NKAIN2: variants seen among roughly 807,000 people sequenced by gnomAD.
NKAIN2 encodes sodium/potassium transporting ATPase interacting 2, also known as sodium/potassium-transporting ATPase subunit beta-1-interacting protein 2.
NKAIN2 carries 14 observed loss-of-function variants against 32.6 expected under a neutral mutation model. The observed-to-expected ratio is 0.43, with a 90% CI of 0.28 to 0.67. NKAIN2 has a LOEUF of 0.67. Among genes scored for constraint, NKAIN2 ranks in the 30% least tolerant of loss-of-function variants. The pLI is 0.17. For synonymous variants in NKAIN2, 80 were observed against 87.2 expected, an observed-to-expected ratio of 0.92 and a Z score of 0.46; for missense variants, 198 against 258.3, an observed-to-expected ratio of 0.77 and a Z score of 1.60.
At chr6:124,441,173 G>T (rs754525690) in intron 3 of NKAIN2, among the ~76,000 whole-genome samples, 4 of 152,134 alleles carry the variant, frequency 2.6e-5, no homozygotes, top group African/African-American at 9.6e-5. Context: ...TCTAAGATAA[G>T]TCAGTTTTTA....
chr6:124,731,156 T>C (rs9375367), intron 4 of NKAIN2, among the ~76,000 whole-genome samples: 44,878 of 87,284 alleles, frequency 0.51, 11,794 homozygotes, highest in East Asian at 0.66. Flanking sequence ...AGTGTGGCCA[T>C]TCCTCAGGGA....
At chr6:123,977,778 C>T (rs1285069211) in intron 1 of NKAIN2, among the ~76,000 whole-genome samples, 5 of 152,112 alleles carry the variant, frequency 3.3e-5, no homozygotes, top group Non-Finnish European at 2.9e-5. Context: ...GACTGTACAT[C>T]CTTTGCATAG....
At chr6:124,474,830 T>TTGTA (rs1777120928) in intron 3 of NKAIN2, among the ~76,000 whole-genome samples, 1 of 147,296 alleles carries the variant, frequency 6.8e-6, no homozygotes, top group Admixed American at 6.9e-5. Flanking sequence ...CATATATATT[T>TTGTA]TACATACATA....
At chr6:123,977,661 C>T (rs1173397473) in intron 1 of NKAIN2, among the ~76,000 whole-genome samples, 1 of 152,094 alleles carries the variant, frequency 6.6e-6, no homozygotes, top group African/African-American at 2.4e-5. Flanking sequence ...TTACTGAATG[C>T]CAGAGATCCT....
chr6:123,843,043 C>T (rs919173949), intron 1 of NKAIN2, among the ~76,000 whole-genome samples: 3 of 152,134 alleles, frequency 2.0e-5, no homozygotes, highest in African/African-American at 7.2e-5. Flanking sequence ...GGAATGAACC[C>T]TGTACCGGCC....
intron 2 of NKAIN2, among the ~76,000 whole-genome samples, chr6:124,344,178 C>T (rs1225289030): frequency 3.3e-5 from 5 of 152,012 alleles, no homozygotes; most frequent in South Asian, 2.1e-4. Flanking sequence ...TCTGTTCTGT[C>T]ACATTGATCT....
chr6:123,919,751 A>G (rs1775663291), intron 1 of NKAIN2, among the ~76,000 whole-genome samples: 1 of 152,134 alleles, frequency 6.6e-6, no homozygotes, highest in South Asian at 2.1e-4. Flanking sequence ...CTCACCTACC[A>G]AATCATCAAA....
chr6:124,059,376 C>T (rs1782816785), intron 1 of NKAIN2, among the ~76,000 whole-genome samples: 1 of 152,132 alleles, frequency 6.6e-6, no homozygotes, highest in Non-Finnish European at 1.5e-5. Context: ...TGGTCACTAT[C>T]TTAGGACCTT....
intron 1 of NKAIN2, among the ~76,000 whole-genome samples, chr6:124,079,937 A>G (rs1416672328): frequency 6.6e-6 from 1 of 151,092 alleles, no homozygotes; most frequent in Admixed American, 6.6e-5. Context: ...TGGCATTTGG[A>G]TGGAAAAAAA....
chr6:124,678,553 A>C (rs1425082681), intron 4 of NKAIN2, among the ~76,000 whole-genome samples: 1 of 152,000 alleles, frequency 6.6e-6, no homozygotes, highest in Non-Finnish European at 1.5e-5. Flanking sequence ...TCAGGTCTAA[A>C]ATTCATTTGG....
At chr6:124,521,394 A>C (rs1779114766) in intron 3 of NKAIN2, among the ~76,000 whole-genome samples, 1 of 152,198 alleles carries the variant, frequency 6.6e-6, no homozygotes, top group Admixed American at 6.5e-5. Flanking sequence ...CTAATTGAGA[A>C]GATCATATGA....
intron 3 of NKAIN2, among the ~76,000 whole-genome samples, chr6:124,399,995 G>T (rs369791639): frequency 6.6e-6 from 1 of 152,104 alleles, no homozygotes; most frequent in Non-Finnish European, 1.5e-5. Context: ...CCTCCTATTT[G>T]ATAAAAATAA....
At chr6:123,986,744 T>C (rs1779155087) in intron 1 of NKAIN2, among the ~76,000 whole-genome samples, 1 of 152,160 alleles carries the variant, frequency 6.6e-6, no homozygotes, top group Admixed American at 6.5e-5. Flanking sequence ...CTAGGAAGGT[T>C]TAGCCTATTT....
chr6:124,376,870 A>C (rs1800016032), intron 3 of NKAIN2, among the ~76,000 whole-genome samples: 1 of 152,198 alleles, frequency 6.6e-6, no homozygotes, highest in Non-Finnish European at 1.5e-5. Flanking sequence ...ATTCATAAAA[A>C]AAAGACGTTT....
chr6:124,407,624 T>A (rs1326764586), intron 3 of NKAIN2, among the ~76,000 whole-genome samples: 2 of 152,060 alleles, frequency 1.3e-5, no homozygotes, highest in Non-Finnish European at 2.9e-5. Flanking sequence ...GTTCCAAGTC[T>A]TTGCTATTGT....
chr6:124,786,165 T>C lies in NKAIN2; in HGVS notation c.475-5174T>C, dbSNP rs146643666. 5.3e-4 allele frequency among the ~76,000 whole-genome samples: 80 copies of C among 152,238 alleles called. 1 individual carries two copies. The highest frequency in any genetic ancestry group is 1.8e-3 in the African/African-American group (74 of 41,558). On this transcript the variant is annotated intron_variant, in intron 4 of 6. Coordinates refer to ENST00000368417, the MANE Select transcript of NKAIN2 (RefSeq NM_001040214.3). ...TGTACCTGTTGGCATTTCAGAGTTA[T>C]AGGCTTCTTCAGCTCCAAGTAAGTC...
chr6:124,018,038 C>T (rs1429957412), intron 1 of NKAIN2, among the ~76,000 whole-genome samples: 4 of 152,208 alleles, frequency 2.6e-5, no homozygotes, highest in Non-Finnish European at 5.9e-5. Flanking sequence ...GACATTTAGG[C>T]ATTTCCATAC....
At position 124,532,338 on chromosome 6, in the gene NKAIN2, G is replaced by A. The variant is rs1260417803; in HGVS notation, c.274-125848G>A. Among the ~76,000 whole-genome samples, 3 of 151,974 alleles carry A rather than the reference G, an allele frequency of 2.0e-5. 1 individual carries two copies. The highest frequency in any genetic ancestry group is 6.4e-3 in the Middle Eastern group (2 of 314). On this transcript the variant is annotated intron_variant, in intron 3 of 6. Coordinates refer to ENST00000368417, the MANE Select transcript of NKAIN2 (RefSeq NM_001040214.3). ...TCTCATACCCTTCTTGCAAGGGGAG[G>A]CTTCTTTTCTGGAATTATGGCTGAA...
At chr6:124,764,344 G>T (rs1583820285) in intron 4 of NKAIN2, among the ~76,000 whole-genome samples, 1 of 152,204 alleles carries the variant, frequency 6.6e-6, no homozygotes, top group East Asian at 1.9e-4. Flanking sequence ...CCTGATGACA[G>T]ATCTCATTAT....
Sources: gnomAD v4.1 joint callset for allele counts (sites outside exome capture counted in the v4.1 genomes callset) on GRCh38, gnomAD v4.1.1 for gene constraint, MANE v1.5 for transcripts, NCBI Gene and HGNC (gene_info 2026-07-23, HGNC 2026-07-21) for gene names.